The following TMPRSS11F variants were observed in gnomAD, a reference collection of about 807,000 sequenced individuals.
The protein encoded by TMPRSS11F is transmembrane protease serine 11F.
TMPRSS11F carries 47 observed loss-of-function variants against 60.2 expected under a neutral mutation model. That is an observed-to-expected ratio of 0.78 (90% CI 0.62 to 1.00). The LOEUF (loss-of-function observed/expected upper bound fraction) is 1.00. Ranked by LOEUF, TMPRSS11F falls within the 50% of genes least tolerant of loss-of-function variation. The probability of loss-of-function intolerance (pLI) is 0.00; values close to 1 mark genes in which losing one functional copy is unlikely to be tolerated. For missense variants in TMPRSS11F, 519 were observed against 522.9 expected, an observed-to-expected ratio of 0.99 and a Z score of 0.07; for synonymous variants, 166 against 167.3, an observed-to-expected ratio of 0.99 and a Z score of 0.06.
chr4:68,064,859 G>A lies in TMPRSS11F; in HGVS notation c.841C>T (p.Leu281Phe), dbSNP rs1185528292. ...GTTTCTCTATGGTAATTCTCATGAA[G>A]AATAATTTTCCTCACATTTCGTTTC... ...AVKRNVRKIILHENYHRETNE... is the reference protein window; with the variant it reads ...AVKRNVRKIIFHENYHRETNE... The change falls in exon 8 of 10, where the codon CTT becomes TTT. Residue 281 changes from leucine to phenylalanine, a missense_variant. By Grantham distance (22) the Leu-to-Phe change is conservative (BLOSUM62 0). Transcript: ENST00000356291. The A allele has an allele frequency of 1.9e-6, 3 of 1,614,074 alleles. No homozygotes were observed. The highest frequency in any genetic ancestry group is 1.7e-5 in the Admixed American group (1 of 60,026).
intron 8 of TMPRSS11F, among the ~76,000 whole-genome samples, chr4:68,061,498 T>C (rs1723173310): frequency 6.6e-6 from 1 of 152,202 alleles, no homozygotes. Context: ...ATATCACAAA[T>C]GTAAATTGAA....
At chr4:68,091,289 G>C (rs10026816) in intron 2 of TMPRSS11F, among the ~76,000 whole-genome samples, 59,069 of 151,908 alleles carry the variant, frequency 0.39, 13,101 homozygotes, top group Non-Finnish European at 0.52. Flanking sequence ...CCATCTTCTA[G>C]TTTTCTTCCA....
At chr4:68,100,617 G>A (rs1188506417) in intron 1 of TMPRSS11F, among the ~76,000 whole-genome samples, 1 of 152,146 alleles carries the variant, frequency 6.6e-6, no homozygotes, top group Non-Finnish European at 1.5e-5. Flanking sequence ...CAGGCAAGAT[G>A]AGGAATATTA....
chr4:68,057,162 G>A (rs1206724650), intron 9 of TMPRSS11F, among the ~76,000 whole-genome samples: 1 of 151,710 alleles, frequency 6.6e-6, no homozygotes, highest in East Asian at 1.9e-4. Context: ...GCACATGCCT[G>A]TAGTCCCAGC....
At chr4:68,070,096 G>A (rs2109842933) in intron 5 of TMPRSS11F, 89 bp from the exon 6 acceptor site, 2 of 1,086,366 alleles carry the variant, frequency 1.8e-6, no homozygotes, top group South Asian at 2.9e-5. Context: ...ATAGAAATGT[G>A]AATTATCTAA....
At chr4:68,063,373 C>CTGTTTT in intron 8 of TMPRSS11F, 1 of 404,148 alleles carries the variant, frequency 2.5e-6, no homozygotes, top group Non-Finnish European at 4.8e-6. Flanking sequence ...TTTTTGTTTT[C>CTGTTTT]TGTTTTTGTT....
At chr4:68,111,635 C>G (rs1403150018) in intron 1 of TMPRSS11F, among the ~76,000 whole-genome samples, 3 of 152,148 alleles carry the variant, frequency 2.0e-5, no homozygotes, top group African/African-American at 7.2e-5. Flanking sequence ...TGAAACTCCC[C>G]AAATGCCATC....
At chr4:68,125,185 C>A (rs932943631) in intron 1 of TMPRSS11F, among the ~76,000 whole-genome samples, 1 of 151,166 alleles carries the variant, frequency 6.6e-6, no homozygotes, top group Admixed American at 6.6e-5. Context: ...GTAGATTATA[C>A]TGTATATTTT....
intron 5 of TMPRSS11F, among the ~76,000 whole-genome samples, chr4:68,070,754 T>A (rs2109843705): frequency 6.6e-6 from 1 of 152,366 alleles, no homozygotes; most frequent in East Asian, 1.9e-4. Context: ...GGTTAGTGAT[T>A]GGTTTTCTGT....
chr4:68,096,710 C>A (rs1724083177), intron 2 of TMPRSS11F, among the ~76,000 whole-genome samples: 1 of 152,158 alleles, frequency 6.6e-6, no homozygotes, highest in Non-Finnish European at 1.5e-5. Flanking sequence ...GCCGATCATT[C>A]ATAATTACTG....
At chr4:68,095,763 G>A (rs1724061118) in intron 2 of TMPRSS11F, among the ~76,000 whole-genome samples, 1 of 151,986 alleles carries the variant, frequency 6.6e-6, no homozygotes, top group African/African-American at 2.4e-5. Flanking sequence ...GGGCATGGTG[G>A]CGGGTGCCTG....
chr4:68,081,322 A>G (rs1723693065), intron 3 of TMPRSS11F, among the ~76,000 whole-genome samples: 1 of 152,234 alleles, frequency 6.6e-6, no homozygotes, highest in South Asian at 2.1e-4. Context: ...TTATAGTATT[A>G]TCTTTTTGGA....
intron 3 of TMPRSS11F, among the ~76,000 whole-genome samples, chr4:68,078,090 G>A (rs1006257813): frequency 2.6e-5 from 4 of 152,080 alleles, no homozygotes; most frequent in Non-Finnish European, 5.9e-5. Flanking sequence ...GCGGTGGATG[G>A]TCCCCTGGCC....
intron 8 of TMPRSS11F, among the ~76,000 whole-genome samples, chr4:68,060,498 A>G (rs1443579247): frequency 8.1e-6 from 1 of 123,054 alleles, no homozygotes; most frequent in Non-Finnish European, 1.6e-5. Flanking sequence ...CCTGGGTGAC[A>G]GAGTGAGACT....
chr4:68,082,033 A>G (rs1159029710), intron 3 of TMPRSS11F, among the ~76,000 whole-genome samples: 2 of 152,204 alleles, frequency 1.3e-5, no homozygotes, highest in Non-Finnish European at 2.9e-5. Context: ...TGAGTAAGCC[A>G]ACATACATCA....
At chr4:68,079,825 C>A (rs1490761575) in intron 3 of TMPRSS11F, among the ~76,000 whole-genome samples, 1 of 152,146 alleles carries the variant, frequency 6.6e-6, no homozygotes, top group Non-Finnish European at 1.5e-5. Flanking sequence ...CATTAAAAAA[C>A]AAAATAACAT....
At chr4:68,116,452 T>C (rs1724520689) in intron 1 of TMPRSS11F, among the ~76,000 whole-genome samples, 1 of 152,036 alleles carries the variant, frequency 6.6e-6, no homozygotes, top group Non-Finnish European at 1.5e-5. Context: ...TGCAATCCTG[T>C]CAAAATCTCA....
intron 8 of TMPRSS11F, among the ~76,000 whole-genome samples, chr4:68,060,676 A>C (rs1186830477): frequency 1.3e-5 from 2 of 151,906 alleles, no homozygotes; most frequent in Non-Finnish European, 2.9e-5. Context: ...GTAACAATAA[A>C]ATATGAATTT....
intron 1 of TMPRSS11F, among the ~76,000 whole-genome samples, chr4:68,113,481 G>A (rs1351771267): frequency 3.3e-5 from 5 of 151,208 alleles, no homozygotes; most frequent in Admixed American, 3.3e-4. Context: ...AAGTATGTCT[G>A]TATTAATATC....
Sources: gnomAD v4.1 joint callset for allele counts (sites outside exome capture counted in the v4.1 genomes callset) on GRCh38, gnomAD v4.1.1 for gene constraint, MANE v1.5 for transcripts, NCBI Gene and HGNC (gene_info 2026-07-23, HGNC 2026-07-21) for gene names.